MRC1: variants seen among roughly 807,000 people sequenced by gnomAD.
MRC1 encodes the protein macrophage mannose receptor 1.
In MRC1, 62 loss-of-function variants were observed where a neutral mutation model predicts 102.9. That is an observed-to-expected ratio of 0.60 (90% CI 0.49 to 0.74). MRC1 has a LOEUF of 0.74. Among genes scored for constraint, MRC1 ranks in the 30% least tolerant of loss-of-function variants. The pLI is 0.00. For missense variants in MRC1, 1,237 were observed against 862.8 expected (o/e 1.43, Z -5.43); for synonymous variants, 457 against 298.4 (o/e 1.53, Z -5.48).
chr10:17,875,249 A>G lies in MRC1; in HGVS notation c.2546A>G (p.Lys849Arg), dbSNP rs1472126397. 2.6e-6 allele frequency: 2 copies of G among 780,638 alleles called. No homozygotes were observed. Among genetic ancestry groups the G allele is most frequent in the African/African-American group, 1.7e-5 (1 of 59,128 alleles). 48.4% of individuals were successfully genotyped at this position (780,638 alleles called of 1,614,324 possible). Residue 849 changes from lysine to arginine, a missense_variant, in exon 17 of 30, where the codon AAA (lysine) becomes AGA (arginine). Lys to Arg is a conservative substitution (Grantham distance 26, BLOSUM62 2). Coordinates refer to ENST00000569591, the MANE Select transcript of MRC1 (RefSeq NM_002438.4). Reference protein sequence around the residue: ...QSESEKKFLWKYVNRNDAQSA... With the variant: ...QSESEKKFLWRYVNRNDAQSA... ...GAAAGTGAAAAGAAGTTTCTATGGA[A>G]ATATGTAAGGACATCAATCATTTTT...
chr10:17,840,869 C>A, intron 5 of MRC1, 63 bp downstream of exon 5: 1 of 780,054 alleles, frequency 1.3e-6, no homozygotes, highest in Non-Finnish European at 2.4e-6. Flanking sequence ...GCCCCGAAGA[C>A]GTTTATTATC....
intron 4 of MRC1, among the ~76,000 whole-genome samples, chr10:17,837,125 C>T (rs902729297): frequency 6.6e-6 from 1 of 152,270 alleles, no homozygotes; most frequent in Non-Finnish European, 1.5e-5. Context: ...GAAATGCTTC[C>T]CTAATCAGCA....
intron 6 of MRC1, among the ~76,000 whole-genome samples, chr10:17,846,177 G>C (rs1554840212): frequency 1.3e-5 from 2 of 151,850 alleles, no homozygotes; most frequent in Admixed American, 6.6e-5. Flanking sequence ...CAAAGTGCTG[G>C]GATTACAGGC....
At chr10:17,815,500 G>A (rs1355189277) in intron 1 of MRC1, among the ~76,000 whole-genome samples, 2 of 148,224 alleles carry the variant, frequency 1.3e-5, no homozygotes, top group Non-Finnish European at 3.0e-5. Flanking sequence ...GGAGAAGTAG[G>A]AGGGTTCACA....
chr10:17,878,420 A>C (rs1481587175), intron 18 of MRC1, among the ~76,000 whole-genome samples: 1 of 152,208 alleles, frequency 6.6e-6, no homozygotes, highest in African/African-American at 2.4e-5. Context: ...CAGGAAATAC[A>C]TTCCCTTTAA....
In MRC1 at chr10:17,819,453, A is replaced by ATGTGTGTGTGTG. The variant is rs59778334; in HGVS notation, c.62-3595_62-3584dup. 1.5e-3 allele frequency among the ~76,000 whole-genome samples: 225 copies of ATGTGTGTGTGTG among 145,764 alleles called. 1 individual carries two copies. The highest frequency in any genetic ancestry group is 5.2e-3 in the African/African-American group (206 of 39,280). On this transcript the variant is annotated intron_variant, in intron 1 of 29. Coordinates refer to ENST00000569591, the MANE Select transcript of MRC1 (RefSeq NM_002438.4). ...GGTATATGTATGAATTCAGAGTTGT[A>ATGTGTGTGTGTG]TGTGTGTGTGTGTGTGTGTGTGTGT...
At chr10:17,864,666 T>TA (rs1404984359) in intron 11 of MRC1, among the ~76,000 whole-genome samples, 1 of 151,830 alleles carries the variant, frequency 6.6e-6, no homozygotes, top group African/African-American at 2.4e-5. Context: ...CCATCTCTAC[T>TA]AAAAATACAA....
intron 9 of MRC1, among the ~76,000 whole-genome samples, chr10:17,860,231 C>T (rs1833162683): frequency 6.6e-6 from 1 of 151,664 alleles, no homozygotes; most frequent in South Asian, 2.1e-4. Context: ...CAAACTCTAG[C>T]ATGGATTTTT....
chr10:17,858,067 C>T (rs1391026268), intron 9 of MRC1, among the ~76,000 whole-genome samples: 20 of 152,204 alleles, frequency 1.3e-4, no homozygotes, highest in African/African-American at 2.4e-4. Flanking sequence ...ATAGATATGA[C>T]ATTAAAATAA....
rs1185119440 is a variant in MRC1, at chr10:17,907,061, G to A, written c.3913+62G>A. ...TGTAAAATGTTGTATGTAAAACAAGGTTTCGTTTCCAAAATGTGTTGCCTT... is the reference window on the plus strand; with the variant it reads ...TGTAAAATGTTGTATGTAAAACAAGATTTCGTTTCCAAAATGTGTTGCCTT... On this transcript the variant is annotated intron_variant, in intron 27 of 29. Coordinates refer to ENST00000569591, the MANE Select transcript of MRC1 (RefSeq NM_002438.4). 11 of 764,336 alleles carry A rather than the reference G, an allele frequency of 1.4e-5. No homozygotes were observed. In the African/African-American group the frequency reaches 1.5e-4, roughly 11 times the overall value. The allele number at this position is 764,336 out of a possible 1,614,324, so 47.3% of individuals were successfully genotyped here. A position where few individuals can be genotyped will look rare whatever the true frequency, so the allele number is the denominator to read the frequency against.
intron 15 of MRC1, 78 bp downstream of exon 15, chr10:17,872,204 C>T (rs1833363656): frequency 1.3e-6 from 1 of 777,318 alleles, no homozygotes; most frequent in Non-Finnish European, 2.4e-6. Context: ...CCTTTATTAG[C>T]AGAAGCAAAC....
chr10:17,856,462 T>C (rs1833094761), intron 9 of MRC1, 110 bp downstream of exon 9: 2 of 722,888 alleles, frequency 2.8e-6, no homozygotes, highest in African/African-American at 3.5e-5. Flanking sequence ...CAAGGGTTTC[T>C]GCTGTCTCAG....
rs1442792280 is a variant in MRC1 at position 17,910,339 on chromosome 10, T to C, written c.4245T>C (p.Arg1415=). The C allele has an allele frequency of 2.6e-6, 2 of 780,716 alleles. No homozygotes were observed. The highest frequency in any genetic ancestry group is 4.8e-6 in the Non-Finnish European group (2 of 417,968). The allele number at this position is 780,716 out of a possible 1,614,324, so 48.4% of individuals were successfully genotyped here. The change falls in exon 30 of 30, where the codon CGT becomes CGC. Residue 1415 remains arginine (R), a synonymous_variant. Transcript: ENST00000569591. ...CCTATTTCTTTTATAAGAAAAGACG[T>C]GTGCACCTACCTCAAGAGGGCGCCT... The part of the protein sequence containing the change: ...LAAYFFYKKR[R]VHLPQEGAFE...
At chr10:17,889,273 T>A (rs1409643219) in intron 22 of MRC1, among the ~76,000 whole-genome samples, 4 of 152,228 alleles carry the variant, frequency 2.6e-5, no homozygotes, top group South Asian at 2.1e-4. Flanking sequence ...ACATCTATCA[T>A]ATTTGCTATT....
intron 3 of MRC1, among the ~76,000 whole-genome samples, chr10:17,831,242 G>C (rs1838567702): frequency 6.6e-6 from 1 of 150,976 alleles, no homozygotes; most frequent in Non-Finnish European, 1.5e-5. Context: ...TCTAAAACGA[G>C]TTGTTTAAAA....
chr10:17,809,511 G>GCTGTT lies in MRC1; in HGVS notation c.49_53dup (p.Leu19PhefsTer10). ...GGTTTTTGCCTCTGTCATTCCGGGTGCTGTTCTCCTACTGGGTAAGTCTGC... is the reference window on the plus strand; with the variant it reads ...GGTTTTTGCCTCTGTCATTCCGGGTGCTGTTCTGTTCTCCTACTGGGTAAGTCTGC... On this transcript the variant is annotated frameshift_variant, in exon 1 of 30. Transcript: ENST00000569591. LOFTEE classifies it high-confidence loss of function. 1.1e-6 allele frequency: 1 copy of GCTGTT among 872,784 alleles called. No individual in the cohort carries two copies. The highest frequency in any genetic ancestry group is 2.0e-6 in the Non-Finnish European group (1 of 501,524). 54.1% of individuals were successfully genotyped at this position (872,784 alleles called of 1,614,324 possible).
intron 10 of MRC1, among the ~76,000 whole-genome samples, chr10:17,861,897 T>G (rs1401834058): frequency 6.6e-6 from 1 of 152,224 alleles, no homozygotes; most frequent in Non-Finnish European, 1.5e-5. Flanking sequence ...ACTGAATAAT[T>G]CATTCATTCT....
intron 6 of MRC1, among the ~76,000 whole-genome samples, chr10:17,847,827 T>C (rs1326540763): frequency 6.6e-6 from 1 of 151,282 alleles, no homozygotes; most frequent in African/African-American, 2.4e-5. Context: ...AAGGACAGCA[T>C]TGGCTGATAC....
At chr10:17,811,987 C>G (rs1044927369) in intron 1 of MRC1, among the ~76,000 whole-genome samples, 6 of 152,232 alleles carry the variant, frequency 3.9e-5, no homozygotes, top group South Asian at 2.1e-4. Context: ...TTAAACTATG[C>G]GAAGCCCCAA....
Sources: gnomAD v4.1 joint callset for allele counts (sites outside exome capture counted in the v4.1 genomes callset) on GRCh38, gnomAD v4.1.1 for gene constraint, MANE v1.5 for transcripts, NCBI Gene and HGNC (gene_info 2026-07-23, HGNC 2026-07-21) for gene names.